Variants in POLD3 observed in about 807,000 individuals in gnomAD.
POLD3 encodes DNA polymerase delta subunit 3.
A neutral mutation model predicts 58.2 loss-of-function variants in POLD3; 19 were observed. The ratio of observed to expected loss-of-function variants is 0.33; its 90% CI spans 0.23 to 0.48. POLD3 has a LOEUF of 0.48. Among genes scored for constraint, POLD3 ranks in the 20% least tolerant of loss-of-function variants. The probability of loss-of-function intolerance (pLI) is 0.99; values close to 1 mark genes in which losing one functional copy is unlikely to be tolerated. For synonymous variants in POLD3, 172 were observed against 193.5 expected, an observed-to-expected ratio of 0.89 and a Z score of 0.92; for missense variants, 504 against 545.5, an observed-to-expected ratio of 0.92 and a Z score of 0.76.
At chr11:74,631,002 T>C (rs2032573949) in intron 9 of POLD3, among the ~76,000 whole-genome samples, 1 of 152,242 alleles carries the variant, frequency 6.6e-6, no homozygotes, top group South Asian at 2.1e-4. Context: ...ACAGATGATA[T>C]AGAGCAGAAG....
intron 9 of POLD3, among the ~76,000 whole-genome samples, chr11:74,634,121 G>A (rs988890744): frequency 2.0e-5 from 3 of 152,214 alleles, no homozygotes; most frequent in Non-Finnish European, 2.9e-5. Flanking sequence ...TAGCAAGGCT[G>A]TAGAATTGGA....
chr11:74,611,451 A>AT, intron 3 of POLD3, 48 bp from the exon 4 acceptor site: 3 of 1,176,252 alleles, frequency 2.6e-6, no homozygotes, highest in Non-Finnish European at 3.8e-6. Context: ...GGAAACTAAA[A>AT]TTGCAGATTC....
intron 11 of POLD3, among the ~76,000 whole-genome samples, chr11:74,637,192 T>C (rs1192382543): frequency 6.6e-6 from 1 of 152,162 alleles, no homozygotes; most frequent in African/African-American, 2.4e-5. Context: ...TTTGAAAAGA[T>C]TGGCTCTGAA....
intron 3 of POLD3, among the ~76,000 whole-genome samples, chr11:74,608,873 A>G (rs1015496397): frequency 1.3e-4 from 20 of 152,214 alleles, no homozygotes; most frequent in Non-Finnish European, 1.2e-4. Flanking sequence ...TAAACCAATG[A>G]AAATGACATT....
chr11:74,660,797 C>G (rs1040699040), intron 4 of POLD3, among the ~76,000 whole-genome samples: 2 of 152,126 alleles, frequency 1.3e-5, no homozygotes, highest in Admixed American at 6.5e-5. Context: ...CCCAGCCATG[C>G]TTTCTGTACA....
At chr11:74,638,643 A>T in intron 11 of POLD3, 1 of 455,734 alleles carries the variant, frequency 2.2e-6, no homozygotes, top group South Asian at 1.6e-5. Context: ...TGTGAGATGG[A>T]GGTGGTGTTC....
chr11:74,609,494 C>T (rs1465526212), intron 3 of POLD3, among the ~76,000 whole-genome samples: 1 of 149,160 alleles, frequency 6.7e-6, no homozygotes, highest in Admixed American at 6.7e-5. Flanking sequence ...CAGTTCTCCA[C>T]CTCAGCCTCC....
chr11:74,606,858 T>G (rs1030629151), intron 3 of POLD3, among the ~76,000 whole-genome samples: 1 of 152,238 alleles, frequency 6.6e-6, no homozygotes, highest in Non-Finnish European at 1.5e-5. Flanking sequence ...TAAGATGGCA[T>G]TTAAATTCTG....
intron 4 of POLD3, among the ~76,000 whole-genome samples, chr11:74,651,040 T>C (rs1276386109): frequency 6.6e-6 from 1 of 152,252 alleles, no homozygotes; most frequent in Non-Finnish European, 1.5e-5. Context: ...GGTTATGTGC[T>C]TTCTGTCTAC....
Position 74,640,953 on chromosome 11 carries a change from GGCAAAAA to G in POLD3, c.*190_*196del. On this transcript the variant is annotated 3_prime_UTR_variant, in exon 12 of 12. Transcript: ENST00000263681. ...AAAAGGAAATCATCTGGAAGCAGGAGGCAAAAAGCTGTTACCTTCTAATGACATTTAA... is the reference window on the plus strand; with the variant it reads ...AAAAGGAAATCATCTGGAAGCAGGAGGCTGTTACCTTCTAATGACATTTAA... The G allele has an allele frequency of 1.6e-6, 2 of 1,263,992 alleles. No homozygotes were observed. The highest frequency in any genetic ancestry group is 6.2e-5 in the South Asian group (2 of 32,420). The allele number at this position is 1,263,992 out of a possible 1,614,324, so 78.3% of individuals were successfully genotyped here. A position where few individuals can be genotyped will look rare whatever the true frequency, so the allele number is the denominator to read the frequency against.
At chr11:74,609,471 T>A (rs549481145) in intron 3 of POLD3, among the ~76,000 whole-genome samples, 245 of 145,562 alleles carry the variant, frequency 1.7e-3, no homozygotes, top group African/African-American at 6.1e-3. Context: ...ATCCTCTGCC[T>A]CCCAGGTTTA....
At chr11:74,635,730 T>G (rs987887231) in intron 10 of POLD3, among the ~76,000 whole-genome samples, 1 of 152,264 alleles carries the variant, frequency 6.6e-6, no homozygotes. Context: ...AAGGCTGACA[T>G]AGCAAGTATC....
At chr11:74,655,468 C>T (rs540819491) in intron 4 of POLD3, among the ~76,000 whole-genome samples, 84 of 152,128 alleles carry the variant, frequency 5.5e-4, no homozygotes, top group African/African-American at 1.9e-3. Flanking sequence ...TTCAGAGAAA[C>T]AGGAACATGT....
At position 74,611,813 on chromosome 11, in the gene POLD3, A is replaced by G. The variant is rs141747541; in HGVS notation, c.259+275A>G. Among the ~76,000 whole-genome samples, 514 of 152,364 alleles carry G rather than the reference A, an allele frequency of 3.4e-3. 3 individuals carry two copies. The highest frequency in any genetic ancestry group is 0.012 in the African/African-American group (482 of 41,578). ...ACATGCAGAAACTGTTATGAATACC[A>G]TATGAGCTACCTCATCAACTGTGAA... is the stretch of plus-strand genomic sequence containing the variant. On this transcript the variant is annotated intron_variant, in intron 4 of 11. Coordinates refer to ENST00000263681, the MANE Select transcript of POLD3 (RefSeq NM_006591.3).
chr11:74,640,834 C>G lies in POLD3; in HGVS notation c.*68C>G. 7.1e-7 allele frequency: 1 copy of G among 1,414,376 alleles called. No individual in the cohort carries two copies. Among genetic ancestry groups the G allele is most frequent in the South Asian group, 1.7e-5 (1 of 57,758 alleles). 87.6% of individuals were successfully genotyped at this position (1,414,376 alleles called of 1,614,324 possible). On this transcript the variant is annotated 3_prime_UTR_variant, in exon 12 of 12. Transcript: ENST00000263681. The stretch of plus-strand genomic sequence containing the variant: ...AGAAGACCAAGAAATGTACTCCTCA[C>G]TTACTATGTAAGTTCATCTAGATCT...
chr11:74,616,136 A>G (rs2032072995), intron 5 of POLD3, among the ~76,000 whole-genome samples: 1 of 152,222 alleles, frequency 6.6e-6, no homozygotes, highest in Admixed American at 6.5e-5. Context: ...GCAAACAAGA[A>G]TAAAAGTGAC....
chr11:74,618,927 A>C, intron 6 of POLD3, 123 bp downstream of exon 6: 1 of 853,940 alleles, frequency 1.2e-6, no homozygotes, highest in Admixed American at 3.0e-5. Context: ...TGATTTTTCT[A>C]CTTTAGTTTG....
intron 4 of POLD3, among the ~76,000 whole-genome samples, chr11:74,664,240 A>G: frequency 6.6e-6 from 1 of 152,220 alleles, no homozygotes; most frequent in African/African-American, 2.4e-5. Context: ...TAAAGTTACC[A>G]TGCATCTACC....
chr11:74,634,629 ACCT>A lies in POLD3; in HGVS notation c.1062_1064del (p.Pro355del). 6.2e-7 allele frequency: 1 copy of A among 1,613,022 alleles called. No homozygotes were observed. Among genetic ancestry groups the A allele is most frequent in the Non-Finnish European group, 8.5e-7 (1 of 1,179,218 alleles). On this transcript the variant is annotated inframe_deletion, in exon 10 of 12. Transcript: ENST00000263681. ...CTTATGAAGCTGAGTCACCATCCCC[ACCT>A]CCTCCTCCGTCTCCACCTCTTGAAC... is the stretch of plus-strand genomic sequence containing the variant.
Sources: allele counts gnomAD v4.1 joint callset (sites outside exome capture counted in the v4.1 genomes callset), GRCh38; gene constraint gnomAD v4.1.1; transcripts MANE v1.5; gene names NCBI Gene and HGNC (gene_info 2026-07-23, HGNC 2026-07-21).